The following PPP2R2B variants were observed in gnomAD, a reference collection of about 807,000 sequenced individuals.
The protein encoded by PPP2R2B is serine/threonine-protein phosphatase 2A 55 kDa regulatory subunit B beta isoform.
Under a neutral mutation model 46.0 loss-of-function variants are expected in PPP2R2B, and 5 were observed. The ratio of observed to expected loss-of-function variants is 0.11; its 90% CI spans 0.06 to 0.23. The LOEUF is 0.23. Among genes scored for constraint, PPP2R2B ranks in the 10% least tolerant of loss-of-function variants. The pLI, the probability that PPP2R2B is intolerant of heterozygous loss-of-function variation, is 1.00. For synonymous variants in PPP2R2B, 215 were observed against 206.7 expected (o/e 1.04, Z -0.34); for missense variants, 367 against 575.0 (o/e 0.64, Z 3.70).
At chr5:146,697,586 A>T (rs1779254255) in intron 4 of PPP2R2B, among the ~76,000 whole-genome samples, 1 of 152,206 alleles carries the variant, frequency 6.6e-6, no homozygotes, top group Admixed American at 6.5e-5. Context: ...CCTAAAATAT[A>T]TTCAGGGATT....
In PPP2R2B at chr5:146,811,397, A is replaced by G. The variant is rs923520595; in HGVS notation, c.70+66605T>C. Among the ~76,000 whole-genome samples, 6 of 152,014 alleles carry G rather than the reference A, an allele frequency of 3.9e-5. No homozygotes were observed. The East Asian group carries it at 1.2e-3, about 29-fold the overall frequency. ...TTGGAAAACCTTGTCCCACATCTCCATCTGGCTACTCCTTCTTGTTCCTTA... is the reference window on the plus strand; with the variant it reads ...TTGGAAAACCTTGTCCCACATCTCCGTCTGGCTACTCCTTCTTGTTCCTTA... On this transcript the variant is annotated intron_variant, in intron 2 of 9. Transcript: ENST00000394411.
intron 1 of PPP2R2B, among the ~76,000 whole-genome samples, chr5:146,927,091 C>T (rs1176329900): frequency 6.6e-6 from 1 of 152,078 alleles, no homozygotes; most frequent in Non-Finnish European, 1.5e-5. Flanking sequence ...TGAGAGGAGC[C>T]CTAGGTCAGA....
At chr5:146,842,558 G>T (rs1378508254) in intron 2 of PPP2R2B, among the ~76,000 whole-genome samples, 1 of 149,042 alleles carries the variant, frequency 6.7e-6, no homozygotes, top group Non-Finnish European at 1.5e-5. Flanking sequence ...AACATGTGCC[G>T]TGGGGGTTTG....
At chr5:146,962,111 T>C (rs1288095026) in intron 1 of PPP2R2B, among the ~76,000 whole-genome samples, 3 of 145,550 alleles carry the variant, frequency 2.1e-5, no homozygotes, top group Non-Finnish European at 3.0e-5. Context: ...TCCCATCTAG[T>C]ATGGTCTTCT....
intron 2 of PPP2R2B, among the ~76,000 whole-genome samples, chr5:146,713,404 A>AT (rs1325507731): frequency 1.3e-5 from 2 of 152,232 alleles, no homozygotes; most frequent in Non-Finnish European, 2.9e-5. Context: ...ATGTGAATGT[A>AT]TTTGATGCCA....
At chr5:146,697,295 A>G (rs534977422) in intron 4 of PPP2R2B, among the ~76,000 whole-genome samples, 3 of 152,338 alleles carry the variant, frequency 2.0e-5, no homozygotes, top group African/African-American at 7.2e-5. Flanking sequence ...TTCTTTTAGC[A>G]AGGATTTAAG....
rs1554109089 is a variant in PPP2R2B at position 146,585,301 on chromosome 5, C to CACACACACAT, written c.*4645_*4646insATGTGTGTGT. On this transcript the variant is annotated 3_prime_UTR_variant, in exon 10 of 10. Coordinates refer to ENST00000394411, the MANE Select transcript of PPP2R2B (RefSeq NM_181675.4). ...ACACACACACACACACACACACACA[C>CACACACACAT]ATAATGTATGATGGGGATAGTGGAT... 6.6e-6 allele frequency: 1 copy of CACACACACAT among 152,094 alleles called. No homozygotes were observed. Among genetic ancestry groups the CACACACACAT allele is most frequent in the Non-Finnish European group, 1.5e-5 (1 of 68,508 alleles). 9.4% of individuals were successfully genotyped at this position (152,094 alleles called of 1,614,324 possible). A position where few individuals can be genotyped will look rare whatever the true frequency, so the allele number is the denominator to read the frequency against.
chr5:146,701,349 C>A (rs894299245), intron 2 of PPP2R2B: 79 of 703,154 alleles, frequency 1.1e-4, no homozygotes, highest in South Asian at 8.9e-4. Flanking sequence ...GCACAGTGGT[C>A]TCCTGGAACA....
chr5:146,753,220 T>C (rs1753656431), intron 2 of PPP2R2B, among the ~76,000 whole-genome samples: 1 of 152,208 alleles, frequency 6.6e-6, no homozygotes, highest in Non-Finnish European at 1.5e-5. Context: ...ACAGGGCTGC[T>C]ATGAGAAGGA....
intron 2 of PPP2R2B, among the ~76,000 whole-genome samples, chr5:146,862,842 T>A (rs540006624): frequency 1.4e-5 from 2 of 143,010 alleles, no homozygotes; most frequent in Non-Finnish European, 3.0e-5. Flanking sequence ...AAAGGCAACC[T>A]GCTTGTCAAG....
chr5:146,923,095 G>A (rs1224174662), intron 1 of PPP2R2B, among the ~76,000 whole-genome samples: 1 of 152,146 alleles, frequency 6.6e-6, no homozygotes, highest in African/African-American at 2.4e-5. Flanking sequence ...ACAGCTCCAG[G>A]TTTTTCCGCT....
At chr5:147,026,893 T>G (rs1755550658) in intron 1 of PPP2R2B, among the ~76,000 whole-genome samples, 1 of 152,178 alleles carries the variant, frequency 6.6e-6, no homozygotes, top group Non-Finnish European at 1.5e-5. Flanking sequence ...CTTATAATAC[T>G]AAATATGCAC....
chr5:146,966,281 G>T (rs905382096), intron 1 of PPP2R2B, among the ~76,000 whole-genome samples: 1 of 152,118 alleles, frequency 6.6e-6, no homozygotes, highest in Admixed American at 6.5e-5. Flanking sequence ...AATCACGGAG[G>T]TTATGTCAGG....
upstream of PPP2R2B, among the ~76,000 whole-genome samples, chr5:146,881,495 C>T (rs961287781): frequency 6.6e-6 from 1 of 152,190 alleles, no homozygotes; most frequent in Non-Finnish European, 1.5e-5. Flanking sequence ...TCACTGCAAC[C>T]TCTGCCTCCC....
intron 1 of PPP2R2B, among the ~76,000 whole-genome samples, chr5:147,008,573 T>C (rs1754561556): frequency 1.3e-5 from 2 of 152,168 alleles, no homozygotes; most frequent in South Asian, 4.1e-4. Context: ...TGTTTATCTA[T>C]ATAAAATGGG....
chr5:146,961,466 T>C (rs1442458531), intron 1 of PPP2R2B, among the ~76,000 whole-genome samples: 2 of 152,218 alleles, frequency 1.3e-5, no homozygotes, highest in African/African-American at 4.8e-5. Flanking sequence ...TTAAATATTA[T>C]TTTTGATTCT....
intron 1 of PPP2R2B, among the ~76,000 whole-genome samples, chr5:146,917,500 A>C (rs897721236): frequency 2.6e-5 from 4 of 152,252 alleles, no homozygotes; most frequent in African/African-American, 9.6e-5. Context: ...TATCAATTTA[A>C]GAAATCCATT....
intron 2 of PPP2R2B, among the ~76,000 whole-genome samples, chr5:146,786,383 G>A (rs749566097): frequency 1.3e-5 from 2 of 152,052 alleles, no homozygotes; most frequent in African/African-American, 4.8e-5. Context: ...AGCGCTCCTG[G>A]AGACAGTCAG....
chr5:146,850,142 T>A (rs1013155140), intron 2 of PPP2R2B, among the ~76,000 whole-genome samples: 1 of 152,050 alleles, frequency 6.6e-6, no homozygotes, highest in Non-Finnish European at 1.5e-5. Context: ...TTTGAAGAGG[T>A]CTATATTATA....
Sources: allele counts gnomAD v4.1 joint callset (sites outside exome capture counted in the v4.1 genomes callset), GRCh38; gene constraint gnomAD v4.1.1; transcripts MANE v1.5; gene names NCBI Gene and HGNC (gene_info 2026-07-23, HGNC 2026-07-21).